The following CHRM5 variants were observed in gnomAD, a reference collection of about 807,000 sequenced individuals.
CHRM5 encodes muscarinic acetylcholine receptor M5.
Under a neutral mutation model 39.0 loss-of-function variants are expected in CHRM5, and 18 were observed. The observed-to-expected ratio is 0.46, with a 90% confidence interval of 0.32 to 0.68. The LOEUF (loss-of-function observed/expected upper bound fraction) is 0.68. CHRM5 is among the 30% of genes least tolerant of loss of function. The pLI is 0.04. For missense variants in CHRM5, 515 were observed against 651.1 expected (o/e 0.79, Z 2.28); for synonymous variants, 241 against 246.3 (o/e 0.98, Z 0.20).
chr15:34,033,505 CAA>C (rs768807611), intron 1 of CHRM5, among the ~76,000 whole-genome samples: 10 of 96,516 alleles, frequency 1.0e-4, no homozygotes, highest in East Asian at 6.0e-4. Flanking sequence ...GGCTCCGTCT[CAA>C]AAAAAAAAAA....
In CHRM5 at chr15:34,065,121, T is replaced by C. The variant is rs910198778; in HGVS notation, c.*805T>C. On this transcript the variant is annotated 3_prime_UTR_variant, in exon 3 of 3. Coordinates refer to ENST00000383263, the MANE Select transcript of CHRM5 (RefSeq NM_012125.4). The stretch of plus-strand genomic sequence containing the variant: ...TTATTTTAGTTTTTGCCAGTGGAAA[T>C]TTTTTCTTTTATCTAAACAGATATT... The C allele has an allele frequency of 1.8e-5, 3 of 163,120 alleles. No individual in the cohort carries two copies. Among genetic ancestry groups the C allele is most frequent in the African/African-American group, 7.2e-5 (3 of 41,456 alleles). The allele number at this position is 163,120 out of a possible 1,614,324, so 10.1% of individuals were successfully genotyped here.
intron 2 of CHRM5, among the ~76,000 whole-genome samples, chr15:34,052,264 T>C (rs1422292442): frequency 1.3e-5 from 2 of 152,178 alleles, no homozygotes; most frequent in African/African-American, 2.4e-5. Context: ...ATTATCTCCA[T>C]AGATGCAGAA....
intron 1 of CHRM5, among the ~76,000 whole-genome samples, chr15:33,982,512 C>T (rs1326004929): frequency 6.6e-6 from 1 of 152,188 alleles, no homozygotes; most frequent in Non-Finnish European, 1.5e-5. Context: ...AAATCTCAGT[C>T]CCAATGGTCA....
At chr15:34,005,211 C>T (rs1897293122) in intron 1 of CHRM5, among the ~76,000 whole-genome samples, 1 of 152,060 alleles carries the variant, frequency 6.6e-6, no homozygotes, top group South Asian at 2.1e-4. Context: ...TAATAAATTT[C>T]ATTTCATATA....
chr15:33,983,088 A>C (rs1298115201), intron 1 of CHRM5, among the ~76,000 whole-genome samples: 1 of 151,016 alleles, frequency 6.6e-6, no homozygotes, highest in Non-Finnish European at 1.5e-5. Flanking sequence ...TATATAAATC[A>C]CTTGGGATAT....
chr15:34,027,807 C>T (rs555005683), intron 1 of CHRM5, among the ~76,000 whole-genome samples: 2 of 126,636 alleles, frequency 1.6e-5, no homozygotes, highest in Non-Finnish European at 3.2e-5. Context: ...CTACCTGAGG[C>T]AAGGATCAGG....
At chr15:34,032,023 G>GCACGCACACACA (rs1555518611) in intron 1 of CHRM5, among the ~76,000 whole-genome samples, 7 of 148,944 alleles carry the variant, frequency 4.7e-5, no homozygotes, top group Non-Finnish European at 1.0e-4. Context: ...GCGCGCACAC[G>GCACGCACACACA]CACACACACA....
In CHRM5 at chr15:34,064,430, T is replaced by A; in HGVS notation, c.*114T>A. The A allele has an allele frequency of 7.8e-7, 1 of 1,284,926 alleles. No individual in the cohort carries two copies. Among genetic ancestry groups the A allele is most frequent in the Non-Finnish European group, 1.1e-6 (1 of 950,248 alleles). 79.6% of individuals were successfully genotyped at this position (1,284,926 alleles called of 1,614,324 possible). ...AAAGAAGACATCTCATTTTGAGTCCTTGAAGATTTTTGTAAAGGCTCAAGT... is the reference window on the plus strand; with the variant it reads ...AAAGAAGACATCTCATTTTGAGTCCATGAAGATTTTTGTAAAGGCTCAAGT... On this transcript the variant is annotated 3_prime_UTR_variant, in exon 3 of 3. Transcript: ENST00000383263.
chr15:33,998,996 G>T (rs1897041546), intron 1 of CHRM5, among the ~76,000 whole-genome samples: 1 of 152,174 alleles, frequency 6.6e-6, no homozygotes, highest in Admixed American at 6.5e-5. Context: ...CCTCTATCCA[G>T]CAGCCTGCTC....
intron 1 of CHRM5, chr15:34,038,641 G>A (rs1899279555): frequency 5.3e-6 from 4 of 759,734 alleles, no homozygotes; most frequent in African/African-American, 1.9e-5. Context: ...GCCACCATCC[G>A]CCCGTCCCGC....
In CHRM5 at chr15:33,983,986, C is replaced by T. The variant is rs191731059; in HGVS notation, c.-408+14836C>T. On this transcript the variant is annotated intron_variant, in intron 1 of 2. Transcript: ENST00000383263. ...AAGGGACATTCTACAATATGGTCTA[C>T]TCTTCAAAAGTGTCAATTTCAGAAA... Among the ~76,000 whole-genome samples, 6 of 151,080 alleles carry T rather than the reference C, an allele frequency of 4.0e-5. No individual in the cohort carries two copies. The East Asian group carries it at 1.2e-3, about 29-fold the overall frequency.
At chr15:33,992,440 C>A (rs988599145) in intron 1 of CHRM5, among the ~76,000 whole-genome samples, 4 of 152,084 alleles carry the variant, frequency 2.6e-5, no homozygotes, top group African/African-American at 7.2e-5. Context: ...CAATATTCAG[C>A]TACAAGGAAA....
Position 34,066,488 on chromosome 15 carries a change from TG to T in CHRM5, c.*2173del, listed in dbSNP as rs1900514140. ...CACTTGCTTAGGACTTGGCCTTTTTTGTTCATCTTTTGTGAAATTGATTAAG... is the reference window on the plus strand; with the variant it reads ...CACTTGCTTAGGACTTGGCCTTTTTTTTCATCTTTTGTGAAATTGATTAAG... On this transcript the variant is annotated 3_prime_UTR_variant, in exon 3 of 3. Transcript: ENST00000383263. 1 of 152,240 alleles carries T rather than the reference TG, an allele frequency of 6.6e-6. No individual in the cohort carries two copies. The highest frequency in any genetic ancestry group is 2.1e-4 in the South Asian group (1 of 4,824). The allele number at this position is 152,240 out of a possible 1,614,324, so 9.4% of individuals were successfully genotyped here.
At chr15:33,981,576 C>T (rs1896146095) in intron 1 of CHRM5, among the ~76,000 whole-genome samples, 1 of 152,186 alleles carries the variant, frequency 6.6e-6, no homozygotes, top group South Asian at 2.1e-4. Context: ...GGGCCTACTG[C>T]TGCATAGCCA....
rs867941087 is a variant in CHRM5 at position 34,033,610 on chromosome 15, T to C, written c.-407-12930T>C. Among the ~76,000 whole-genome samples, 4 of 152,192 alleles carry C rather than the reference T, an allele frequency of 2.6e-5. No individual in the cohort carries two copies. In the South Asian group the frequency reaches 8.3e-4, roughly 31 times the overall value. ...TAGCACCCAAGCCTGTAGAGTTATA[T>C]AACATTTTTTAAGTCAACATTTATT... is the stretch of plus-strand genomic sequence containing the variant. On this transcript the variant is annotated intron_variant, in intron 1 of 2. Coordinates refer to ENST00000383263, the MANE Select transcript of CHRM5 (RefSeq NM_012125.4).
Position 34,053,590 on chromosome 15 carries a change from A to G in CHRM5, c.-76+6719A>G, listed in dbSNP as rs1424244770. Among the ~76,000 whole-genome samples the G allele has an allele frequency of 6.6e-5, 10 of 152,122 alleles. No homozygotes were observed. In the East Asian group the frequency reaches 1.9e-3, roughly 29 times the overall value. The stretch of plus-strand genomic sequence containing the variant: ...ACAAGCAGTGGGGAAAGGATTCCCT[A>G]TTTCATAAATGGTGCTGAGAGAACT... On this transcript the variant is annotated intron_variant, in intron 2 of 2. Transcript: ENST00000383263.
intron 1 of CHRM5, among the ~76,000 whole-genome samples, chr15:33,997,026 G>T (rs1430562676): frequency 6.6e-6 from 1 of 152,198 alleles, no homozygotes. Flanking sequence ...ACCCGATGGG[G>T]CTGAAAACCA....
chr15:33,979,350 T>C (rs2140518902), intron 1 of CHRM5, among the ~76,000 whole-genome samples: 1 of 151,974 alleles, frequency 6.6e-6, no homozygotes, highest in Middle Eastern at 3.4e-3. Context: ...GGCAAAACCA[T>C]ATACAAAAAT....
At chr15:34,034,133 A>G (rs887233062) in intron 1 of CHRM5, among the ~76,000 whole-genome samples, 13 of 152,198 alleles carry the variant, frequency 8.5e-5, no homozygotes, top group African/African-American at 3.1e-4. Context: ...CAAATATCAA[A>G]TCACTCTAGT....
Sources: allele counts gnomAD v4.1 joint callset (sites outside exome capture counted in the v4.1 genomes callset), GRCh38; gene constraint gnomAD v4.1.1; transcripts MANE v1.5; gene names NCBI Gene and HGNC (gene_info 2026-07-23, HGNC 2026-07-21).